Variants in CFAP20DC observed in about 807,000 individuals in gnomAD.
CFAP20DC encodes CFAP20 domain containing.
Under a neutral mutation model 101.7 loss-of-function variants are expected in CFAP20DC, and 84 were observed. The observed-to-expected ratio is 0.83, with a 90% CI of 0.69 to 0.99. The LOEUF is 0.99. Among genes scored for constraint, CFAP20DC ranks in the 50% least tolerant of loss-of-function variants. The pLI, the probability that CFAP20DC is intolerant of heterozygous loss-of-function variation, is 0.00. For missense variants in CFAP20DC, 1,007 were observed against 970.3 expected, an observed-to-expected ratio of 1.04 and a Z score of -0.50; for synonymous variants, 359 against 351.2, an observed-to-expected ratio of 1.02 and a Z score of -0.25.
At chr3:58,793,446 A>G (rs891479235) in intron 15 of CFAP20DC, among the ~76,000 whole-genome samples, 2 of 152,190 alleles carry the variant, frequency 1.3e-5, no homozygotes, top group African/African-American at 4.8e-5. Flanking sequence ...AAAAGAAACT[A>G]AAATTTTTCT....
chr3:58,931,358 A>G (rs1049288230), intron 5 of CFAP20DC, among the ~76,000 whole-genome samples: 3 of 152,306 alleles, frequency 2.0e-5, no homozygotes, highest in East Asian at 3.9e-4. Context: ...CAGACAAACA[A>G]AAAGACAGCA....
chr3:59,010,264 G>T (rs1478219391), intron 4 of CFAP20DC, among the ~76,000 whole-genome samples: 1 of 152,024 alleles, frequency 6.6e-6, no homozygotes, highest in African/African-American at 2.4e-5. Context: ...ATGCAGAATG[G>T]CAGAATGAAT....
At position 58,928,128 on chromosome 3, in the gene CFAP20DC, C is replaced by G. The variant is rs547082553; in HGVS notation, c.393+9520G>C. 8.8e-4 allele frequency among the ~76,000 whole-genome samples: 134 copies of G among 152,228 alleles called. No homozygotes were observed. The South Asian group carries it at 1.0e-2, about 11-fold the overall frequency. On this transcript the variant is annotated intron_variant, in intron 5 of 16. Transcript: ENST00000482387. The stretch of plus-strand genomic sequence containing the variant: ...TCAATAAACATTTATTGATCACTTA[C>G]TATATGCCATGCACTAATAGGGACT...
chr3:59,041,232 T>C (rs1428988154), intron 3 of CFAP20DC, among the ~76,000 whole-genome samples: 1 of 152,120 alleles, frequency 6.6e-6, no homozygotes, highest in Non-Finnish European at 1.5e-5. Context: ...GAATCAGCAC[T>C]GTTCTCTTCA....
intron 6 of CFAP20DC, among the ~76,000 whole-genome samples, chr3:58,891,428 A>ACCGTG (rs1358810714): frequency 0.16 from 243 of 1,476 alleles, 1 homozygote; most frequent in African/African-American, 0.26. Flanking sequence ...CCGTGGGGAG[A>ACCGTG]GGGAGAGGGA....
intron 5 of CFAP20DC, among the ~76,000 whole-genome samples, chr3:58,920,222 C>T (rs893939719): frequency 1.3e-5 from 2 of 151,892 alleles, no homozygotes; most frequent in African/African-American, 4.8e-5. Flanking sequence ...TCCCAAACAG[C>T]TGGGACCACA....
intron 4 of CFAP20DC, among the ~76,000 whole-genome samples, chr3:58,952,698 G>T (rs1167336852): frequency 6.6e-6 from 1 of 151,818 alleles, no homozygotes; most frequent in African/African-American, 2.4e-5. Context: ...AAAAAAAAAA[G>T]TGTGGGCGTC....
chr3:59,011,222 A>T (rs1388527789), intron 4 of CFAP20DC, among the ~76,000 whole-genome samples: 2 of 152,092 alleles, frequency 1.3e-5, no homozygotes, highest in Admixed American at 1.3e-4. Flanking sequence ...ACATGGTGAA[A>T]CCCTGTCTCT....
At chr3:58,996,184 G>A (rs879093184) in intron 4 of CFAP20DC, among the ~76,000 whole-genome samples, 1 of 152,024 alleles carries the variant, frequency 6.6e-6, no homozygotes, top group South Asian at 2.1e-4. Context: ...AACAGGCATA[G>A]TTTCCAAACT....
chr3:58,870,552 C>A (rs568496104), intron 7 of CFAP20DC, among the ~76,000 whole-genome samples: 1 of 151,814 alleles, frequency 6.6e-6, no homozygotes, highest in Admixed American at 6.6e-5. Flanking sequence ...TTTTTATACT[C>A]ACCATCATTT....
At chr3:58,900,294 TC>T (rs1312281388) in intron 6 of CFAP20DC, among the ~76,000 whole-genome samples, 1 of 152,170 alleles carries the variant, frequency 6.6e-6, no homozygotes, top group African/African-American at 2.4e-5. Context: ...TGCAAAGTAA[TC>T]CCCTTATGGA....
At chr3:58,980,215 T>A (rs967903200) in intron 4 of CFAP20DC, among the ~76,000 whole-genome samples, 2 of 152,174 alleles carry the variant, frequency 1.3e-5, no homozygotes, top group Non-Finnish European at 2.9e-5. Context: ...CCTCCCATCA[T>A]CAAGTAGCCC....
intron 15 of CFAP20DC, among the ~76,000 whole-genome samples, chr3:58,789,383 G>C (rs1217437645): frequency 6.6e-6 from 1 of 152,144 alleles, no homozygotes; most frequent in Non-Finnish European, 1.5e-5. Context: ...CTTTTGTAAA[G>C]AATAACTACA....
At chr3:58,734,461 T>G (rs1452483834) in intron 3 of CFAP20DC, 1 of 443,430 alleles carries the variant, frequency 2.3e-6, no homozygotes, top group Non-Finnish European at 4.5e-6. Flanking sequence ...GAACATTTAC[T>G]GAGTGCTTAC....
In CFAP20DC at chr3:58,795,362, G is replaced by A. The variant is rs184303404; in HGVS notation, c.2237+11033C>T. 1.1e-3 allele frequency among the ~76,000 whole-genome samples: 173 copies of A among 152,206 alleles called. No homozygotes were observed. Among genetic ancestry groups the A allele is most frequent in the African/African-American group, 3.9e-3 (161 of 41,468 alleles). On this transcript the variant is annotated intron_variant, in intron 15 of 16. Transcript: ENST00000482387. The surrounding 1 kb of genome is among the most constrained non-coding windows in gnomAD (Gnocchi z 4.2). Reference sequence around the variant, plus strand: ...GTTAAAGATGTCAAGATTCTGCCAGGTGCCGTGGCTCACGCCTGTAACCCA... The same window carrying A: ...GTTAAAGATGTCAAGATTCTGCCAGATGCCGTGGCTCACGCCTGTAACCCA...
chr3:58,793,120 T>C (rs2072986284), intron 15 of CFAP20DC, among the ~76,000 whole-genome samples: 1 of 152,220 alleles, frequency 6.6e-6, no homozygotes, highest in Non-Finnish European at 1.5e-5. Flanking sequence ...TGCTTTATTA[T>C]ATTATACTAC....
chr3:58,888,414 T>A (rs2081851288), intron 6 of CFAP20DC, among the ~76,000 whole-genome samples: 1 of 152,136 alleles, frequency 6.6e-6, no homozygotes, highest in South Asian at 2.1e-4. Context: ...TTTTTTCAAC[T>A]TTTATTTTAA....
chr3:58,953,727 T>G (rs1051178839), intron 4 of CFAP20DC: 19 of 152,204 alleles, frequency 1.2e-4, no homozygotes, highest in African/African-American at 4.1e-4. Flanking sequence ...TGTGCTTTTT[T>G]GGGGGCAATT....
chr3:58,766,915 C>T (rs1244321812), intron 15 of CFAP20DC, among the ~76,000 whole-genome samples: 1 of 152,220 alleles, frequency 6.6e-6, no homozygotes, highest in Non-Finnish European at 1.5e-5. Flanking sequence ...GAAATCTTCG[C>T]TGACATCCCC....
Sources: gnomAD v4.1 joint callset for allele counts (sites outside exome capture counted in the v4.1 genomes callset) on GRCh38, gnomAD v4.1.1 for gene constraint, Gnocchi (gnomAD v3.1) non-coding constraint, MANE v1.5 for transcripts, NCBI Gene and HGNC (gene_info 2026-07-23, HGNC 2026-07-21) for gene names.